PRTG: variants seen among roughly 807,000 people sequenced by gnomAD.
The protein encoded by PRTG is immunoglobulin superfamily, DCC subclass, member 5.
In PRTG, 67 loss-of-function variants were observed where a neutral mutation model predicts 122.5. The ratio of observed to expected loss-of-function variants is 0.55; its 90% CI spans 0.45 to 0.67. The LOEUF is 0.67. Among genes scored for constraint, PRTG ranks in the 30% least tolerant of loss-of-function variants. The probability of loss-of-function intolerance (pLI) is 0.00; values close to 1 mark genes in which losing one functional copy is unlikely to be tolerated. For synonymous variants in PRTG, 554 were observed against 501.1 expected (o/e 1.11, Z -1.41); for missense variants, 1,435 against 1,415.4 (o/e 1.01, Z -0.22).
intron 2 of PRTG, among the ~76,000 whole-genome samples, chr15:55,694,226 CA>C (rs1453740504): frequency 1.3e-5 from 2 of 152,084 alleles, no homozygotes; most frequent in Non-Finnish European, 2.9e-5. Flanking sequence ...ACTTTACTTA[CA>C]TTTTTTCCTA....
chr15:55,637,313 T>G lies in PRTG; in HGVS notation c.2480A>C (p.Lys827Thr). ...EAPAGPPVGV[K>T]VTLIEDDTAL... is the part of the protein sequence containing the mutation. ...AGTGTCATCCTCTATTAATGTCACT[T>G]TTACTCCAACTGGTGGGCCTGCTGG... Residue 827 changes from lysine (K) to threonine (T), a missense_variant, in exon 15 of 20, where the codon AAA becomes ACA. Lys to Thr is a moderately conservative substitution (Grantham distance 78). Transcript: ENST00000389286. 2 of 1,613,090 alleles carry G rather than the reference T, an allele frequency of 1.2e-6. No individual in the cohort carries two copies. Among genetic ancestry groups the G allele is most frequent in the Non-Finnish European group, 1.7e-6 (2 of 1,179,702 alleles).
intron 2 of PRTG, among the ~76,000 whole-genome samples, chr15:55,725,767 A>G (rs1359743541): frequency 6.6e-6 from 1 of 152,114 alleles, no homozygotes. Flanking sequence ...TGTCTACAAG[A>G]GACTAACTTT....
chr15:55,641,062 G>T (rs1275477905), intron 12 of PRTG, 51 bp downstream of exon 12: 1 of 1,260,212 alleles, frequency 7.9e-7, no homozygotes, highest in Admixed American at 1.7e-5. Context: ...AGGAGGAGGA[G>T]AAAGAACGGT....
chr15:55,677,833 C>T lies in PRTG; in HGVS notation c.1345G>A (p.Val449Ile). 5 of 1,613,830 alleles carry T rather than the reference C, an allele frequency of 3.1e-6. No individual in the cohort carries two copies. The highest frequency in any genetic ancestry group is 4.2e-6 in the Non-Finnish European group (5 of 1,179,838). ...ATGTAGTGTACAGAATAGGCAATGACTTTGTCTGAATTATAAAGTGGCCTC... is the reference window on the plus strand; with the variant it reads ...ATGTAGTGTACAGAATAGGCAATGATTTTGTCTGAATTATAAAGTGGCCTC... ...WERPLYNSDK[V>I]IAYSVHYMKA... Residue 449 changes from valine to isoleucine, a missense_variant, in exon 8 of 20, where the codon GTC (valine) becomes ATC (isoleucine). Coordinates refer to ENST00000389286, the MANE Select transcript of PRTG (RefSeq NM_173814.6).
At chr15:55,724,740 A>G (rs1168273675) in intron 2 of PRTG, among the ~76,000 whole-genome samples, 3 of 152,116 alleles carry the variant, frequency 2.0e-5, no homozygotes, top group Non-Finnish European at 2.9e-5. Flanking sequence ...CCTAGGCAAC[A>G]GAGCAAGACA....
rs752600910 is a variant in PRTG, at chr15:55,677,781, T to A, written c.1381+16A>T. ...GCAAGGAGTACTTAAAAATAAGCAC[T>A]CCTAAAATCGCTTACCTTCTGCTTT... On this transcript the variant is annotated intron_variant, in intron 8 of 19. Coordinates refer to ENST00000389286, the MANE Select transcript of PRTG (RefSeq NM_173814.6). The A allele has an allele frequency of 3.7e-6, 6 of 1,611,528 alleles. No homozygotes were observed. The South Asian group carries it at 4.4e-5, about 12-fold the overall frequency.
chr15:55,709,785 T>C (rs1486841232), intron 2 of PRTG, among the ~76,000 whole-genome samples: 2 of 152,188 alleles, frequency 1.3e-5, no homozygotes, highest in Non-Finnish European at 1.5e-5. Context: ...TACATATTAT[T>C]TGAACATTCT....
rs1027160154 is a variant in PRTG, at chr15:55,611,737, A to T, written c.*8275T>A. On this transcript the variant is annotated 3_prime_UTR_variant, in exon 20 of 20. Transcript: ENST00000389286. Reference sequence around the variant, plus strand: ...CTATGATACTAGAAAAAAAAAAACAAATCTACATTATTAAACAAATATGTT... The same window carrying T: ...CTATGATACTAGAAAAAAAAAAACATATCTACATTATTAAACAAATATGTT... 12 of 152,102 alleles carry T rather than the reference A, an allele frequency of 7.9e-5. No individual in the cohort carries two copies. The highest frequency in any genetic ancestry group is 2.9e-4 in the African/African-American group (12 of 41,438). The allele number at this position is 152,102 out of a possible 1,614,324, so 9.4% of individuals were successfully genotyped here. A position where few individuals can be genotyped will look rare whatever the true frequency, so the allele number is the denominator to read the frequency against.
At position 55,730,073 on chromosome 15, in the gene PRTG, A is replaced by C. The variant is rs529466010; in HGVS notation, c.397+10309T>G. Among the ~76,000 whole-genome samples the C allele has an allele frequency of 1.1e-4, 16 of 152,328 alleles. 1 individual carries two copies. The South Asian group carries it at 3.3e-3, about 32-fold the overall frequency. On this transcript the variant is annotated intron_variant, in intron 2 of 19. Transcript: ENST00000389286. Reference sequence around the variant, plus strand: ...AAAAATGAAAGTCGCTTTTTTAATTAAGAAACTAAGGAATGTCTTTAATTT... The same window carrying C: ...AAAAATGAAAGTCGCTTTTTTAATTCAGAAACTAAGGAATGTCTTTAATTT...
intron 11 of PRTG, among the ~76,000 whole-genome samples, chr15:55,658,673 T>C (rs867722888): frequency 6.6e-6 from 1 of 152,194 alleles, no homozygotes; most frequent in South Asian, 2.1e-4. Context: ...TAAAAGAGTA[T>C]GCATATTGTA....
At chr15:55,725,021 G>C (rs781001771) in intron 2 of PRTG, among the ~76,000 whole-genome samples, 1 of 152,276 alleles carries the variant, frequency 6.6e-6, no homozygotes, top group Non-Finnish European at 1.5e-5. Context: ...AACTAGAAAA[G>C]CCAGCAGTAT....
intron 2 of PRTG, among the ~76,000 whole-genome samples, chr15:55,733,611 G>C (rs1181175716): frequency 6.6e-6 from 1 of 151,508 alleles, no homozygotes; most frequent in Non-Finnish European, 1.5e-5. Context: ...AGGAATGCTT[G>C]AGCCCAGGAG....
chr15:55,623,600 G>A, intron 18 of PRTG, among the ~76,000 whole-genome samples: 1 of 152,090 alleles, frequency 6.6e-6, no homozygotes, highest in East Asian at 1.9e-4. Flanking sequence ...TAGCTCAGAA[G>A]GTAGCCAAAC....
At chr15:55,701,237 A>G (rs926775874) in intron 2 of PRTG, among the ~76,000 whole-genome samples, 3 of 152,156 alleles carry the variant, frequency 2.0e-5, no homozygotes, top group African/African-American at 7.2e-5. Context: ...CATACTTGCT[A>G]TAAGACTCTG....
In PRTG at chr15:55,613,582, C is replaced by T. The variant is rs2059129782; in HGVS notation, c.*6430G>A. 3 of 152,018 alleles carry T rather than the reference C, an allele frequency of 2.0e-5. No homozygotes were observed. The highest frequency in any genetic ancestry group is 1.3e-4 in the Admixed American group (2 of 15,248). The allele number at this position is 152,018 out of a possible 1,614,324, so 9.4% of individuals were successfully genotyped here. Reference sequence around the variant, plus strand: ...GAGATGATAAGGGATGAGTTACAGCCGCCTTAATCCCTCCTGTGAATAAGT... The same window carrying T: ...GAGATGATAAGGGATGAGTTACAGCTGCCTTAATCCCTCCTGTGAATAAGT... On this transcript the variant is annotated 3_prime_UTR_variant, in exon 20 of 20. Coordinates refer to ENST00000389286, the MANE Select transcript of PRTG (RefSeq NM_173814.6).
intron 4 of PRTG, 48 bp from the exon 5 acceptor site, chr15:55,680,676 A>G: frequency 8.0e-7 from 1 of 1,251,218 alleles, no homozygotes; most frequent in Non-Finnish European, 1.1e-6. Context: ...TAAATAAGAT[A>G]TAATAAGTGA....
chr15:55,635,215 C>T (rs906671431), intron 15 of PRTG, among the ~76,000 whole-genome samples: 31 of 152,112 alleles, frequency 2.0e-4, no homozygotes, highest in Non-Finnish European at 4.4e-4. Context: ...TCTCAGCCTC[C>T]CGAGTAGTTG....
chr15:55,679,453 T>C lies in PRTG; in HGVS notation c.974-8A>G. 1 of 1,598,322 alleles carries C rather than the reference T, an allele frequency of 6.3e-7. No individual in the cohort carries two copies. The highest frequency in any genetic ancestry group is 8.5e-7 in the Non-Finnish European group (1 of 1,171,110). On this transcript the variant is annotated splice_polypyrimidine_tract_variant and splice_region_variant and intron_variant, in intron 6 of 19. Coordinates refer to ENST00000389286, the MANE Select transcript of PRTG (RefSeq NM_173814.6). The stretch of plus-strand genomic sequence containing the variant: ...CAACAAATGAAGGAGGAGCTATTTT[T>C]AAAGAAAAAAATGAAATATTTCTGT...
chr15:55,638,295 CT>C (rs1163571033), intron 14 of PRTG, among the ~76,000 whole-genome samples: 1 of 152,054 alleles, frequency 6.6e-6, no homozygotes, highest in African/African-American at 2.4e-5. Flanking sequence ...CACACCTGAT[CT>C]TTTTTTAAGG....
Sources: gnomAD v4.1 joint callset for allele counts (sites outside exome capture counted in the v4.1 genomes callset) on GRCh38, gnomAD v4.1.1 for gene constraint, MANE v1.5 for transcripts, NCBI Gene and HGNC (gene_info 2026-07-23, HGNC 2026-07-21) for gene names.